The following CLYBL variants were observed in gnomAD, a reference collection of about 807,000 sequenced individuals.
CLYBL encodes the protein citramalyl-CoA lyase, mitochondrial.
A neutral mutation model predicts 38.9 loss-of-function variants in CLYBL; 31 were observed. The observed-to-expected ratio is 0.80, with a 90% CI of 0.60 to 1.08. CLYBL has a LOEUF of 1.08. Ranked by LOEUF, CLYBL falls within the 50% of genes least tolerant of loss-of-function variation. The pLI, the probability that CLYBL is intolerant of heterozygous loss-of-function variation, is 0.00. For missense variants in CLYBL, 434 were observed against 411.6 expected (o/e 1.05, Z -0.47); for synonymous variants, 171 against 158.6 (o/e 1.08, Z -0.59).
chr13:99,734,236 AAG>A (rs2048633178), intron 1 of CLYBL, among the ~76,000 whole-genome samples: 1 of 152,120 alleles, frequency 6.6e-6, no homozygotes, highest in South Asian at 2.1e-4. Flanking sequence ...TGATCACACA[AAG>A]AGCAGAGAGC....
At chr13:99,626,420 C>G (rs912593298) in intron 1 of CLYBL, among the ~76,000 whole-genome samples, 1 of 152,216 alleles carries the variant, frequency 6.6e-6, no homozygotes, top group Non-Finnish European at 1.5e-5. Context: ...CAACAAGGAG[C>G]CAGTGGAGAT....
chr13:99,718,947 A>G (rs549477435), intron 1 of CLYBL, among the ~76,000 whole-genome samples: 137 of 151,690 alleles, frequency 9.0e-4, no homozygotes, highest in African/African-American at 3.2e-3. Context: ...GGTTCAAGCG[A>G]TTCTCTTGCC....
intron 1 of CLYBL, among the ~76,000 whole-genome samples, chr13:99,616,438 C>A (rs1385647076): frequency 6.6e-6 from 1 of 152,136 alleles, no homozygotes; most frequent in East Asian, 1.9e-4. Context: ...CACAGTTGTT[C>A]ATTTAGTCTG....
chr13:99,654,723 A>G lies in CLYBL; in HGVS notation c.62+47966A>G, dbSNP rs566876477. 1.4e-4 allele frequency among the ~76,000 whole-genome samples: 21 copies of G among 152,302 alleles called. 1 individual carries two copies. The East Asian group carries it at 2.7e-3, about 20-fold the overall frequency. ...AGCATTTTAACAAAACTAAAATGTC[A>G]GGCCGGATGCCGTGGCTCACGCCTG... On this transcript the variant is annotated intron_variant, in intron 1 of 8. Transcript: ENST00000339105.
intron 1 of CLYBL, among the ~76,000 whole-genome samples, chr13:99,728,358 A>C (rs1254133227): frequency 6.8e-6 from 1 of 147,690 alleles, no homozygotes; most frequent in Non-Finnish European, 1.5e-5. Flanking sequence ...GGCTCACTGC[A>C]ACCTCCGTCT....
intron 1 of CLYBL, among the ~76,000 whole-genome samples, chr13:99,756,801 C>T (rs1210575731): frequency 6.6e-6 from 1 of 152,216 alleles, no homozygotes; most frequent in African/African-American, 2.4e-5. Flanking sequence ...AGAAGCCATT[C>T]ACTTGGGTTT....
intron 1 of CLYBL, among the ~76,000 whole-genome samples, chr13:99,759,584 C>G (rs1043225379): frequency 1.3e-5 from 2 of 152,126 alleles, no homozygotes; most frequent in African/African-American, 2.4e-5. Flanking sequence ...ACCCCCACCC[C>G]CTCAGAGAGC....
downstream of CLYBL, among the ~76,000 whole-genome samples, chr13:99,898,774 TCC>T (rs2052610471): frequency 1.3e-5 from 2 of 152,178 alleles, no homozygotes; most frequent in African/African-American, 4.8e-5. Context: ...TCCTCCCAGC[TCC>T]CCTAGAGACA....
intron 1 of CLYBL, among the ~76,000 whole-genome samples, chr13:99,712,548 A>G (rs896356125): frequency 6.6e-6 from 1 of 151,466 alleles, no homozygotes; most frequent in Non-Finnish European, 1.5e-5. Flanking sequence ...GAGTTTTGCC[A>G]CATTGCCCAG....
At chr13:99,607,260 C>A (rs2046541809) in intron 1 of CLYBL, among the ~76,000 whole-genome samples, 1 of 152,048 alleles carries the variant, frequency 6.6e-6, no homozygotes, top group South Asian at 2.1e-4. Flanking sequence ...AATAACAAAC[C>A]CATTAACTTT....
rs560907167 is a variant in CLYBL at position 99,832,249 on chromosome 13, T to C, written c.250-26612T>C. ...AACACTGAAAACAATTATCCTGTAG[T>C]GGTCTCGGTTCTTCCTGGCAGCTTT... On this transcript the variant is annotated intron_variant, in intron 2 of 8. Coordinates refer to ENST00000339105, the MANE Select transcript of CLYBL (RefSeq NM_206808.5). 4.6e-5 allele frequency among the ~76,000 whole-genome samples: 7 copies of C among 152,344 alleles called. No individual in the cohort carries two copies. The East Asian group carries it at 1.4e-3, about 29-fold the overall frequency.
At chr13:99,611,845 G>A (rs1267054842) in intron 1 of CLYBL, among the ~76,000 whole-genome samples, 2 of 152,190 alleles carry the variant, frequency 1.3e-5, no homozygotes, top group East Asian at 3.8e-4. Context: ...ATCTTTGAAG[G>A]ACTATGTCCA....
At position 99,849,575 on chromosome 13, in the gene CLYBL, GT is replaced by G. The variant is rs1472206238; in HGVS notation, c.250-9285del. On this transcript the variant is annotated intron_variant, in intron 2 of 8. Coordinates refer to ENST00000339105, the MANE Select transcript of CLYBL (RefSeq NM_206808.5). The surrounding 1 kb of genome is among the most constrained non-coding windows in gnomAD (Gnocchi z 4.9). ...ACTACTGAATCATAAAACATCGGCA[GT>G]GCCCGCCCACCAAGGGCATCTTCTC... 6.6e-6 allele frequency among the ~76,000 whole-genome samples: 1 copy of G among 152,196 alleles called. No homozygotes were observed. The highest frequency in any genetic ancestry group is 2.4e-5 in the African/African-American group (1 of 41,446).
Position 99,871,075 on chromosome 13 carries a change from T to C in CLYBL, c.927+13T>C. On this transcript the variant is annotated intron_variant, in intron 7 of 8. Coordinates refer to ENST00000339105, the MANE Select transcript of CLYBL (RefSeq NM_206808.5). ...ACAATTAGGAAAGGTAAATGTTTTG[T>C]TAATGCCTTGGGTGAGAGCAGTATT... The C allele has an allele frequency of 6.2e-7, 1 of 1,613,592 alleles. No individual in the cohort carries two copies. Among genetic ancestry groups the C allele is most frequent in the Non-Finnish European group, 8.5e-7 (1 of 1,179,542 alleles).
Position 99,842,204 on chromosome 13 carries a change from A to G in CLYBL, c.250-16657A>G, listed in dbSNP as rs368600992. On this transcript the variant is annotated intron_variant, in intron 2 of 8. Coordinates refer to ENST00000339105, the MANE Select transcript of CLYBL (RefSeq NM_206808.5). Reference sequence around the variant, plus strand: ...ATTGGATGAGGGGGCATGATCTAGCAGTAATAAACCGAGGGGAATTTGGCA... The same window carrying G: ...ATTGGATGAGGGGGCATGATCTAGCGGTAATAAACCGAGGGGAATTTGGCA... Among the ~76,000 whole-genome samples the G allele has an allele frequency of 2.2e-3, 333 of 152,296 alleles. 1 individual carries two copies. The Middle Eastern group carries it at 0.037, about 17-fold the overall frequency.
At chr13:99,814,959 C>G (rs1041089177) in intron 2 of CLYBL, among the ~76,000 whole-genome samples, 3 of 152,096 alleles carry the variant, frequency 2.0e-5, no homozygotes, top group Non-Finnish European at 2.9e-5. Flanking sequence ...CCCAGGAGGT[C>G]AAGACTGCGG....
intron 1 of CLYBL, among the ~76,000 whole-genome samples, chr13:99,695,489 G>T (rs1175320821): frequency 6.6e-6 from 1 of 152,054 alleles, no homozygotes; most frequent in African/African-American, 2.4e-5. Context: ...AGCCCGTTCA[G>T]ATTCTTCTTG....
At chr13:99,740,327 A>G (rs77439147) in intron 1 of CLYBL, among the ~76,000 whole-genome samples, 2,219 of 152,338 alleles carry the variant, frequency 0.015, 26 homozygotes, top group South Asian at 0.03. Context: ...AAGAGGCTCG[A>G]AAGTCTCATG....
chr13:99,614,268 A>G (rs1566588661), intron 1 of CLYBL, among the ~76,000 whole-genome samples: 1 of 152,188 alleles, frequency 6.6e-6, no homozygotes, highest in Non-Finnish European at 1.5e-5. Flanking sequence ...CCATTCTAGA[A>G]CCGAGAGAGA....
Sources: allele counts gnomAD v4.1 joint callset (sites outside exome capture counted in the v4.1 genomes callset), GRCh38; gene constraint gnomAD v4.1.1; non-coding constraint Gnocchi (gnomAD v3.1); transcripts MANE v1.5; gene names NCBI Gene and HGNC (gene_info 2026-07-23, HGNC 2026-07-21).